The following PLXNA4 variants were observed in gnomAD, a reference collection of about 807,000 sequenced individuals.
PLXNA4 encodes plexin A4.
In PLXNA4, 44 loss-of-function variants were observed where a neutral mutation model predicts 191.8. The ratio of observed to expected loss-of-function variants is 0.23; its 90% CI spans 0.18 to 0.29. PLXNA4 has a LOEUF of 0.29. Among genes scored for constraint, PLXNA4 ranks in the 10% least tolerant of loss-of-function variants. The probability of loss-of-function intolerance (pLI) is 1.00; values close to 1 mark genes in which losing one functional copy is unlikely to be tolerated. For missense variants in PLXNA4, 1,800 were observed against 2,488.8 expected (o/e 0.72, Z 5.89); for synonymous variants, 1,082 against 1,009.5 (o/e 1.07, Z -1.36).
intron 3 of PLXNA4, among the ~76,000 whole-genome samples, chr7:132,477,612 C>T (rs777955580): frequency 9.2e-5 from 14 of 152,204 alleles, no homozygotes; most frequent in Non-Finnish European, 1.6e-4. Context: ...CACATGCACA[C>T]AGGCACTAGA....
In PLXNA4 at chr7:132,385,727, C is replaced by T. The variant is rs546691416; in HGVS notation, c.1372-87505G>A. Among the ~76,000 whole-genome samples the T allele has an allele frequency of 5.3e-5, 8 of 152,352 alleles. No homozygotes were observed. In the South Asian group the frequency reaches 6.2e-4, roughly 12 times the overall value. ...GCAAGTGCATGCGCGCACACACACG[C>T]GTGCGCATGCACACATGGATGCACA... On this transcript the variant is annotated intron_variant, in intron 3 of 31. Coordinates refer to ENST00000321063, the MANE Select transcript of PLXNA4 (RefSeq NM_020911.2).
chr7:132,219,472 C>T (rs1311997051), intron 9 of PLXNA4, among the ~76,000 whole-genome samples: 6 of 152,202 alleles, frequency 3.9e-5, no homozygotes, highest in Non-Finnish European at 7.3e-5. Flanking sequence ...CTCCATAGAT[C>T]TTCTTCACCT....
At chr7:132,195,976 A>G (rs1353855348) in intron 13 of PLXNA4, among the ~76,000 whole-genome samples, 1 of 152,246 alleles carries the variant, frequency 6.6e-6, no homozygotes, top group African/African-American at 2.4e-5. Flanking sequence ...TCCTGAACAA[A>G]TAATAACTTT....
intron 3 of PLXNA4, among the ~76,000 whole-genome samples, chr7:132,372,311 G>A (rs1015608768): frequency 2.7e-4 from 41 of 152,318 alleles, no homozygotes; most frequent in Non-Finnish European, 4.7e-4. Context: ...CTGTTTTGAT[G>A]TTTACATTTT....
intron 4 of PLXNA4, among the ~76,000 whole-genome samples, chr7:132,265,310 A>G (rs983407513): frequency 1.3e-5 from 2 of 152,194 alleles, no homozygotes; most frequent in African/African-American, 2.4e-5. Context: ...CAAAAACACT[A>G]TTTTGTTTAC....
intron 3 of PLXNA4, among the ~76,000 whole-genome samples, chr7:132,374,111 G>T (rs10228464): frequency 0.066 from 10,022 of 152,216 alleles, 373 homozygotes; most frequent in Non-Finnish European, 0.086. Flanking sequence ...ATGGCAGCTT[G>T]GCTCCCGTTC....
intron 3 of PLXNA4, among the ~76,000 whole-genome samples, chr7:132,379,893 C>A (rs1161978419): frequency 2.0e-5 from 3 of 152,120 alleles, no homozygotes; most frequent in East Asian, 3.8e-4. Flanking sequence ...GCAGTAGGGA[C>A]CAGTTATTTA....
chr7:132,202,283 G>A (rs909504196), intron 12 of PLXNA4, among the ~76,000 whole-genome samples: 1 of 152,114 alleles, frequency 6.6e-6, no homozygotes, highest in East Asian at 1.9e-4. Context: ...CTCCAATCAC[G>A]GGTTGACACT....
At chr7:132,345,853 C>T (rs529506470) in intron 3 of PLXNA4, among the ~76,000 whole-genome samples, 76 of 152,288 alleles carry the variant, frequency 5.0e-4, no homozygotes, top group African/African-American at 1.8e-3. Context: ...GCACATTACC[C>T]ACCCCTCTCC....
intron 14 of PLXNA4, 69 bp from the exon 15 acceptor site, chr7:132,187,676 G>A: frequency 6.6e-7 from 1 of 1,513,450 alleles, no homozygotes; most frequent in South Asian, 1.3e-5. Flanking sequence ...GCAGGCGTGA[G>A]GCAGCACCCC....
At chr7:132,499,058 T>TCC (rs1798142764) in intron 2 of PLXNA4, among the ~76,000 whole-genome samples, 1 of 152,216 alleles carries the variant, frequency 6.6e-6, no homozygotes, top group Non-Finnish European at 1.5e-5. Context: ...TGAGCAGTTT[T>TCC]CCCTGGAGAA....
intron 3 of PLXNA4, among the ~76,000 whole-genome samples, chr7:132,478,087 A>G (rs1358858309): frequency 6.6e-6 from 1 of 152,138 alleles, no homozygotes; most frequent in Non-Finnish European, 1.5e-5. Flanking sequence ...TAGGTCACAG[A>G]GCCTCTAGGG....
At chr7:132,480,050 TACC>T (rs1258435849) in intron 3 of PLXNA4, among the ~76,000 whole-genome samples, 5 of 152,020 alleles carry the variant, frequency 3.3e-5, no homozygotes, top group Admixed American at 6.6e-5. Context: ...ATCATACTAT[TACC>T]CCAAGTCCCC....
At chr7:132,263,436 T>G (rs1159470092) in intron 4 of PLXNA4, among the ~76,000 whole-genome samples, 3 of 152,196 alleles carry the variant, frequency 2.0e-5, no homozygotes, top group Non-Finnish European at 4.4e-5. Flanking sequence ...ACTAGAGACA[T>G]GCCTGGGCTG....
rs1018431571 is a variant in PLXNA4 at position 132,507,929 on chromosome 7, G to A, written c.765C>T (p.Tyr255=). ...CCATCTCAGGTTGGAGGGTCAAAAA[G>A]TAGACAAAGTTGCCACTGCTAAAAC... ...VYGFSSGNFV[Y]FLTLQPEMVS... is the part of the protein sequence containing the mutation. The change falls in exon 2 of 32, where the codon TAC becomes TAT. Residue 255 remains tyrosine, a synonymous_variant. Transcript: ENST00000321063. 3.7e-6 allele frequency: 6 copies of A among 1,614,052 alleles called. No homozygotes were observed. The African/African-American group carries it at 6.7e-5, about 18-fold the overall frequency.
chr7:132,298,105 T>C lies in PLXNA4; in HGVS notation c.1489A>G (p.Met497Val). The stretch of plus-strand genomic sequence containing the variant: ...AAGAGCCTTACCTGCCTCTCTGACA[T>C]GATGTAGAGTTGCTCGTGGTCCTTG... ...FSKDHEQLYI[M>V]SERQLTRVPV... Residue 497 changes from methionine to valine, a missense_variant, in exon 4 of 32, where the codon ATG becomes GTG. Physicochemically the swap from Met to Val is conservative, Grantham distance 21 (BLOSUM62 1). Around this residue, in one of 6 missense-constraint regions of PLXNA4, gnomAD observed 1,397 missense variants for 1,880.4 expected, o/e 0.74. Transcript: ENST00000321063. 6.2e-7 allele frequency: 1 copy of C among 1,614,144 alleles called. No individual in the cohort carries two copies. Among genetic ancestry groups the C allele is most frequent in the Non-Finnish European group, 8.5e-7 (1 of 1,180,020 alleles).
chr7:132,139,145 G>A (rs973670659), intron 30 of PLXNA4, among the ~76,000 whole-genome samples: 2 of 152,232 alleles, frequency 1.3e-5, no homozygotes, highest in African/African-American at 4.8e-5. Context: ...AAAAGAGTTA[G>A]TTTCCTTTTG....
intron 3 of PLXNA4, among the ~76,000 whole-genome samples, chr7:132,462,509 A>ATG (rs1447768316): frequency 5.3e-5 from 8 of 151,814 alleles, no homozygotes; most frequent in Non-Finnish European, 1.0e-4. Flanking sequence ...AAAACATAAT[A>ATG]TGTACATATA....
At chr7:132,518,199 C>T (rs1799017145) in intron 1 of PLXNA4, among the ~76,000 whole-genome samples, 1 of 152,184 alleles carries the variant, frequency 6.6e-6, no homozygotes, top group Non-Finnish European at 1.5e-5. Context: ...TCCCCTTGCC[C>T]CTTGTTGCTA....
Sources: gnomAD v4.1 joint callset for allele counts (sites outside exome capture counted in the v4.1 genomes callset) on GRCh38, gnomAD v4.1.1 for gene constraint, gnomAD v4.1.1 regional missense constraint, MANE v1.5 for transcripts, NCBI Gene and HGNC (gene_info 2026-07-23, HGNC 2026-07-21) for gene names.